The following ZNF143 variants were observed in gnomAD, a reference collection of about 807,000 sequenced individuals.
The protein encoded by ZNF143 is SPH-binding factor.
ZNF143 carries 49 observed loss-of-function variants against 74.1 expected under a neutral mutation model. The observed-to-expected ratio is 0.66, with a 90% CI of 0.53 to 0.84. The LOEUF (loss-of-function observed/expected upper bound fraction) is 0.84. ZNF143 is among the 40% of genes least tolerant of loss of function. The probability of loss-of-function intolerance (pLI) is 0.00; values close to 1 mark genes in which losing one functional copy is unlikely to be tolerated. For synonymous variants in ZNF143, 304 were observed against 282.8 expected (o/e 1.07, Z -0.75); for missense variants, 637 against 793.4 (o/e 0.80, Z 2.37).
intron 7 of ZNF143, among the ~76,000 whole-genome samples, chr11:9,486,764 G>A (rs1847570184): frequency 6.7e-6 from 1 of 149,972 alleles, no homozygotes; most frequent in Non-Finnish European, 1.5e-5. Context: ...TGCCACCCGG[G>A]TTCAAGCGAT....
intron 14 of ZNF143, among the ~76,000 whole-genome samples, chr11:9,519,438 A>C (rs1393012513): frequency 6.6e-6 from 1 of 152,042 alleles, no homozygotes; most frequent in Non-Finnish European, 1.5e-5. Context: ...GAGCCACCGC[A>C]CCCAGCTTGG....
At chr11:9,515,663 A>AAAAAAG (rs1325841434) in intron 13 of ZNF143, among the ~76,000 whole-genome samples, 1 of 146,578 alleles carries the variant, frequency 6.8e-6, no homozygotes, top group Non-Finnish European at 1.5e-5. Context: ...CAAAAAAAAA[A>AAAAAAG]AAAAAGAAAA....
At chr11:9,498,722 A>G (rs1383456538) in intron 10 of ZNF143, among the ~76,000 whole-genome samples, 1 of 152,230 alleles carries the variant, frequency 6.6e-6, no homozygotes, top group Non-Finnish European at 1.5e-5. Flanking sequence ...TAAGCTGTTG[A>G]CTAAATAATA....
chr11:9,509,676 A>T (rs2134160068), intron 12 of ZNF143, among the ~76,000 whole-genome samples: 1 of 152,362 alleles, frequency 6.6e-6, no homozygotes, highest in Non-Finnish European at 1.5e-5. Flanking sequence ...GTTGGAGAGT[A>T]AGGGAAAGAA....
In ZNF143 at chr11:9,461,221, C is replaced by A. The variant is rs558841047; in HGVS notation, c.-8+145C>A. ...CGCAGGCCTTGCCGATTTTATGGGCCGGCCGCGGTAGCGGCGTCTGGGCAG... is the reference window on the plus strand; with the variant it reads ...CGCAGGCCTTGCCGATTTTATGGGCAGGCCGCGGTAGCGGCGTCTGGGCAG... On this transcript the variant is annotated intron_variant, in intron 1 of 15. Transcript: ENST00000396602. The A allele has an allele frequency of 1.3e-5, 5 of 372,330 alleles. No homozygotes were observed. In the South Asian group the frequency reaches 3.3e-4, roughly 24 times the overall value. 23.1% of individuals were successfully genotyped at this position (372,330 alleles called of 1,614,324 possible).
At position 9,516,260 on chromosome 11, in the gene ZNF143, G is replaced by A. The variant is rs745311143; in HGVS notation, c.1584G>A (p.Gln528=). 6.2e-7 allele frequency: 1 copy of A among 1,614,156 alleles called. No individual in the cohort carries two copies. Among genetic ancestry groups the A allele is most frequent in the Non-Finnish European group, 8.5e-7 (1 of 1,180,014 alleles). Residue 528 remains glutamine (Q), a synonymous_variant, in exon 14 of 16, where the codon CAG becomes CAA. Transcript: ENST00000396602. The stretch of plus-strand genomic sequence containing the variant: ...GCAACACCATCACAATGGTAACGCA[G>A]GATGGCACGCCCATCACAGTCCCCG... ...AIGNTITMVT[Q]DGTPITVPAH... is the part of the protein sequence containing the mutation.
intron 7 of ZNF143, among the ~76,000 whole-genome samples, chr11:9,492,724 CT>C (rs1200000247): frequency 6.6e-6 from 1 of 152,110 alleles, no homozygotes; most frequent in African/African-American, 2.4e-5. Flanking sequence ...TTTTATAAAT[CT>C]TGTGACATTT....
intron 7 of ZNF143, among the ~76,000 whole-genome samples, chr11:9,486,371 AATATATT>A (rs1293429291): frequency 1.1e-4 from 4 of 36,720 alleles, no homozygotes; most frequent in African/African-American, 5.1e-4. Context: ...TATTATATAT[AATATATT>A]ATATATATAA....
chr11:9,519,393 G>A (rs1047759706), intron 14 of ZNF143, among the ~76,000 whole-genome samples: 2 of 152,032 alleles, frequency 1.3e-5, no homozygotes, highest in African/African-American at 2.4e-5. Flanking sequence ...TGATCTGCCC[G>A]CCTCGGCCTC....
At chr11:9,508,116 G>A (rs78973917) in intron 11 of ZNF143, among the ~76,000 whole-genome samples, 5,563 of 152,258 alleles carry the variant, frequency 0.037, 311 homozygotes, top group African/African-American at 0.12. Flanking sequence ...TTGATTGGAT[G>A]TAAGAAGTCA....
intron 5 of ZNF143, among the ~76,000 whole-genome samples, chr11:9,475,637 T>A (rs7483667): frequency 1.3e-5 from 2 of 151,946 alleles, no homozygotes; most frequent in Non-Finnish European, 2.9e-5. Flanking sequence ...ATGCCTGTAA[T>A]CCTAGCACTT....
chr11:9,470,384 A>G (rs1383948354), intron 1 of ZNF143, among the ~76,000 whole-genome samples: 1 of 152,246 alleles, frequency 6.6e-6, no homozygotes, highest in Admixed American at 6.5e-5. Context: ...AGTACTGTGC[A>G]GAAACATGGA....
intron 7 of ZNF143, among the ~76,000 whole-genome samples, chr11:9,489,308 A>G (rs1329277163): frequency 6.6e-6 from 1 of 152,178 alleles, no homozygotes; most frequent in African/African-American, 2.4e-5. Context: ...TGGCTTAGAA[A>G]TAAGAAACCT....
chr11:9,487,751 C>G (rs1847616200), intron 7 of ZNF143, among the ~76,000 whole-genome samples: 1 of 152,202 alleles, frequency 6.6e-6, no homozygotes, highest in Non-Finnish European at 1.5e-5. Flanking sequence ...TAGTATTTCA[C>G]TGGTGTTAGC....
Position 9,471,472 on chromosome 11 carries a change from A to G in ZNF143, c.112+52A>G, listed in dbSNP as rs564386137. Reference sequence around the variant, plus strand: ...GTTTGAAAATATCATTTATCTTAAAAGAAAAAAAATTTACAACTTCCTAGT... The same window carrying G: ...GTTTGAAAATATCATTTATCTTAAAGGAAAAAAAATTTACAACTTCCTAGT... On this transcript the variant is annotated intron_variant, in intron 2 of 15. Coordinates refer to ENST00000396602, the MANE Select transcript of ZNF143 (RefSeq NM_003442.6). 8 of 1,389,250 alleles carry G rather than the reference A, an allele frequency of 5.8e-6. No homozygotes were observed. The African/African-American group carries it at 1.2e-4, about 21-fold the overall frequency. 86.1% of individuals were successfully genotyped at this position (1,389,250 alleles called of 1,614,324 possible). A position where few individuals can be genotyped will look rare whatever the true frequency, so the allele number is the denominator to read the frequency against.
rs1300666735 is a variant in ZNF143 at position 9,506,872 on chromosome 11, C to T, written c.1148-1747C>T. Among the ~76,000 whole-genome samples the T allele has an allele frequency of 3.3e-5, 5 of 151,980 alleles. No homozygotes were observed. The East Asian group carries it at 5.8e-4, about 18-fold the overall frequency. ...ACCCAGGTGAAGCTATGTAACTAGC[C>T]AGTAAGGGAGCTCAAAAGCTCAATC... On this transcript the variant is annotated intron_variant, in intron 11 of 15. Transcript: ENST00000396602.
intron 12 of ZNF143, 103 bp downstream of exon 12, chr11:9,508,949 C>G (rs140283639): frequency 9.4e-6 from 11 of 1,174,478 alleles, no homozygotes; most frequent in Non-Finnish European, 1.2e-5. Flanking sequence ...ATGTGTCATT[C>G]GTATAATCAC....
intron 15 of ZNF143, among the ~76,000 whole-genome samples, chr11:9,526,619 A>G (rs1169262638): frequency 6.6e-6 from 1 of 151,720 alleles, no homozygotes; most frequent in Non-Finnish European, 1.5e-5. Context: ...TTATGTAAAA[A>G]TAAATAGAGA....
intron 2 of ZNF143, among the ~76,000 whole-genome samples, chr11:9,472,327 A>G (rs914208412): frequency 6.6e-6 from 1 of 152,070 alleles, no homozygotes; most frequent in Admixed American, 6.6e-5. Flanking sequence ...ATCTCGGCTC[A>G]CTGCAACCTC....
Sources: gnomAD v4.1 joint callset for allele counts (sites outside exome capture counted in the v4.1 genomes callset) on GRCh38, gnomAD v4.1.1 for gene constraint, MANE v1.5 for transcripts, NCBI Gene and HGNC (gene_info 2026-07-23, HGNC 2026-07-21) for gene names.